The following HFM1 variants were observed in gnomAD, a reference collection of about 807,000 sequenced individuals.
The protein encoded by HFM1 is probable ATP-dependent DNA helicase HFM1.
A neutral mutation model predicts 192.1 loss-of-function variants in HFM1; 169 were observed. That is an observed-to-expected ratio of 0.88 (90% confidence interval 0.78 to 1.00). HFM1 has a LOEUF of 1.00. Ranked by LOEUF, HFM1 falls within the 50% of genes least tolerant of loss-of-function variation. The probability of loss-of-function intolerance (pLI) is 0.00; values close to 1 mark genes in which losing one functional copy is unlikely to be tolerated. For missense variants in HFM1, 1,661 were observed against 1,668.0 expected, an observed-to-expected ratio of 1.00 and a Z score of 0.07; for synonymous variants, 525 against 537.8, an observed-to-expected ratio of 0.98 and a Z score of 0.33.
intron 13 of HFM1, among the ~76,000 whole-genome samples, chr1:91,360,564 C>A (rs970049865): frequency 6.6e-6 from 1 of 152,114 alleles, no homozygotes; most frequent in Non-Finnish European, 1.5e-5. Flanking sequence ...TAGAGATCTA[C>A]AAAGAGACTC....
chr1:91,284,672 G>A (rs904510356), intron 30 of HFM1, among the ~76,000 whole-genome samples: 1 of 152,134 alleles, frequency 6.6e-6, no homozygotes, highest in Non-Finnish European at 1.5e-5. Flanking sequence ...TAAAGGATAA[G>A]AAGTTTAAAT....
rs369106562 is a variant in HFM1 at position 91,343,450 on chromosome 1, C to T, written c.2315G>A (p.Gly772Asp). 1.0e-5 allele frequency: 15 copies of T among 1,429,430 alleles called. No homozygotes were observed. The highest frequency in any genetic ancestry group is 1.4e-5 in the Non-Finnish European group (15 of 1,038,672). 88.5% of individuals were successfully genotyped at this position (1,429,430 alleles called of 1,614,324 possible). A position where few individuals can be genotyped will look rare whatever the true frequency, so the allele number is the denominator to read the frequency against. Residue 772 changes from glycine (G) to aspartate (D), a missense_variant, in exon 20 of 39, where the codon GGT (glycine) becomes GAT (aspartate). Coordinates refer to ENST00000370425, the MANE Select transcript of HFM1 (RefSeq NM_001017975.6). Reference sequence around the variant, plus strand: ...ATTACCAGTTGGTTTGAAATTAACACCTTCATCCATCTTTATTAAGTCCAG... The same window carrying T: ...ATTACCAGTTGGTTTGAAATTAACATCTTCATCCATCTTTATTAAGTCCAG... ...SSLDLIKMDE[G>D]VNFKPTEAGR...
intron 19 of HFM1, among the ~76,000 whole-genome samples, 157 bp downstream of exon 19, chr1:91,347,272 G>C (rs1656265555): frequency 6.6e-6 from 1 of 152,126 alleles, no homozygotes; most frequent in Non-Finnish European, 1.5e-5. Context: ...TATATGCCAA[G>C]CTTTTTGTGT....
intron 20 of HFM1, chr1:91,328,538 T>G: frequency 6.2e-7 from 1 of 1,612,864 alleles, no homozygotes; most frequent in Admixed American, 1.7e-5. Context: ...GGGGATGTGC[T>G]GCAGAACGAG....
chr1:91,338,241 AG>A, intron 20 of HFM1, among the ~76,000 whole-genome samples: 1 of 152,208 alleles, frequency 6.6e-6, no homozygotes, highest in Non-Finnish European at 1.5e-5. Flanking sequence ...TGGAGCCCAA[AG>A]GGTTTGGCAC....
intron 20 of HFM1, among the ~76,000 whole-genome samples, chr1:91,333,742 C>T (rs183988): frequency 1 from 152,103 of 152,288 alleles, 75,959 homozygotes; most frequent in Non-Finnish European, 1. Flanking sequence ...ATATACTTAC[C>T]ATTTACCGAC....
At chr1:91,290,926 T>C (rs1230480929) in intron 30 of HFM1, among the ~76,000 whole-genome samples, 4 of 152,224 alleles carry the variant, frequency 2.6e-5, no homozygotes, top group Non-Finnish European at 4.4e-5. Context: ...TACATGGAAA[T>C]TGAACAACCT....
chr1:91,369,161 C>A (rs559214380), intron 13 of HFM1, among the ~76,000 whole-genome samples: 1 of 152,198 alleles, frequency 6.6e-6, no homozygotes, highest in Non-Finnish European at 1.5e-5. Flanking sequence ...GAGACTTTCA[C>A]ACCCCACTGT....
chr1:91,369,160 A>G (rs924336941), intron 13 of HFM1, among the ~76,000 whole-genome samples: 3 of 152,184 alleles, frequency 2.0e-5, no homozygotes, highest in African/African-American at 7.2e-5. Flanking sequence ...GGAGACTTTC[A>G]CACCCCACTG....
At chr1:91,314,689 T>C (rs183360918) in intron 28 of HFM1, among the ~76,000 whole-genome samples, 60 of 152,346 alleles carry the variant, frequency 3.9e-4, no homozygotes, top group Admixed American at 3.7e-3. Context: ...CTATACGTTA[T>C]GAGAACAACT....
chr1:91,294,964 T>A (rs1034219298), intron 30 of HFM1, among the ~76,000 whole-genome samples: 1 of 152,178 alleles, frequency 6.6e-6, no homozygotes, highest in Non-Finnish European at 1.5e-5. Context: ...TCGGAAGTAG[T>A]TGTATCAATC....
chr1:91,279,015 C>T (rs1667215944), intron 30 of HFM1, among the ~76,000 whole-genome samples: 2 of 147,972 alleles, frequency 1.4e-5, no homozygotes, highest in African/African-American at 5.0e-5. Context: ...CTCTCACTTC[C>T]AAAAAAAAAA....
chr1:91,310,053 G>C (rs1650210423), intron 30 of HFM1, among the ~76,000 whole-genome samples: 1 of 151,714 alleles, frequency 6.6e-6, no homozygotes, highest in Admixed American at 6.6e-5. Context: ...AAATCTACTA[G>C]AAATACTCAA....
At chr1:91,401,151 G>A (rs1025094165) in intron 1 of HFM1, 42 bp from the exon 2 acceptor site, 8 of 855,958 alleles carry the variant, frequency 9.3e-6, no homozygotes, top group Non-Finnish European at 1.4e-5. Context: ...TATTTATAAA[G>A]ATGTAAAAAA....
At chr1:91,303,079 AT>A (rs1210750394) in intron 30 of HFM1, among the ~76,000 whole-genome samples, 1 of 152,196 alleles carries the variant, frequency 6.6e-6, no homozygotes, top group African/African-American at 2.4e-5. Context: ...TTTTTAGTAT[AT>A]TCCCAAGGTT....
chr1:91,341,119 CCAA>C (rs1287356741), intron 20 of HFM1, among the ~76,000 whole-genome samples: 1 of 152,096 alleles, frequency 6.6e-6, no homozygotes, highest in Non-Finnish European at 1.5e-5. Flanking sequence ...AACACTCTAT[CCAA>C]CAACAACAAA....
chr1:91,329,366 G>C (rs1190031038), intron 20 of HFM1: 1 of 1,597,128 alleles, frequency 6.3e-7, no homozygotes, highest in Non-Finnish European at 8.5e-7. Context: ...GGCTGAGTAA[G>C]AGTCATTAAG....
chr1:91,315,200 T>C (rs1557834332), intron 28 of HFM1, among the ~76,000 whole-genome samples: 2 of 152,220 alleles, frequency 1.3e-5, no homozygotes, highest in African/African-American at 4.8e-5. Context: ...CATACAAATA[T>C]TAAATAATTC....
chr1:91,400,504 T>C (rs1473443345), intron 2 of HFM1, among the ~76,000 whole-genome samples: 2 of 150,540 alleles, frequency 1.3e-5, no homozygotes, highest in African/African-American at 2.4e-5. Context: ...TTTCTTTTGA[T>C]AGAGTTTCAC....
Sources: allele counts gnomAD v4.1 joint callset (sites outside exome capture counted in the v4.1 genomes callset), GRCh38; gene constraint gnomAD v4.1.1; transcripts MANE v1.5; gene names NCBI Gene and HGNC (gene_info 2026-07-23, HGNC 2026-07-21).